Variants in TMSB15B observed in about 807,000 individuals in gnomAD.
TMSB15B encodes the protein thymosin beta 15B.
At chrX:103,940,733 G>GCAACAA (rs1409049630) in intron 1 of TMSB15B, among the ~76,000 whole-genome samples, 1 of 110,257 alleles carries the variant, frequency 9.1e-6, no homozygotes, top group African/African-American at 3.3e-5. Context: ...AACAACAACA[G>GCAACAA]CAACAACAAC....
intron 1 of TMSB15B, among the ~76,000 whole-genome samples, chrX:103,927,520 T>A (rs1455924209): frequency 8.9e-6 from 1 of 111,752 alleles, no homozygotes; most frequent in East Asian, 2.8e-4. Flanking sequence ...GGCATAGCCA[T>A]GAAACAGCTA....
At chrX:103,953,221 C>T (rs1184977103) in intron 1 of TMSB15B, among the ~76,000 whole-genome samples, 2 of 111,342 alleles carry the variant, frequency 1.8e-5, no homozygotes, top group Non-Finnish European at 3.8e-5. Flanking sequence ...CAGGAGATCC[C>T]GTCATGAGCC....
intron 1 of TMSB15B, chrX:103,932,153 T>C (rs2074986436): frequency 8.9e-6 from 1 of 112,052 alleles, no homozygotes; most frequent in Non-Finnish European, 1.9e-5. Context: ...TTCTGACAAA[T>C]TAATCAAACC....
intron 1 of TMSB15B, among the ~76,000 whole-genome samples, chrX:103,944,840 C>G (rs1219014722): frequency 2.7e-5 from 3 of 112,124 alleles, no homozygotes; most frequent in Admixed American, 9.4e-5. Flanking sequence ...GTTACCCAGG[C>G]TGGAGCGCAG....
intron 1 of TMSB15B, among the ~76,000 whole-genome samples, chrX:103,936,330 G>A (rs1337723414): frequency 9.0e-6 from 1 of 111,488 alleles, no homozygotes; most frequent in Non-Finnish European, 1.9e-5. Context: ...ATTTCCTTGA[G>A]CAGTGGTTTG....
chrX:103,921,184 G>A (rs1355592502), intron 1 of TMSB15B, among the ~76,000 whole-genome samples: 1 of 112,006 alleles, frequency 8.9e-6, no homozygotes, highest in Admixed American at 9.4e-5. Flanking sequence ...TCTCAGGATT[G>A]TGGCCTGTGG....
chrX:103,928,463 T>C (rs2147817841), intron 1 of TMSB15B: 1 of 1,204,597 alleles, frequency 8.3e-7, no homozygotes, highest in East Asian at 3.0e-5. Context: ...GCAGGGATCA[T>C]GTCTGGCCTG....
Position 103,941,721 on chromosome X carries a change from G to A in TMSB15B, c.-720-20300G>A, listed in dbSNP as rs192148813. Among the ~76,000 whole-genome samples, 5 of 111,862 alleles carry A rather than the reference G, an allele frequency of 4.5e-5. No individual in the cohort carries two copies. The East Asian group carries it at 1.4e-3, about 31-fold the overall frequency. Reference sequence around the variant, plus strand: ...TGGATGATGCCTAACTTTTCCTAATGGCATGTACCAGTTCACACCCTTACT... The same window carrying A: ...TGGATGATGCCTAACTTTTCCTAATAGCATGTACCAGTTCACACCCTTACT... On this transcript the variant is annotated intron_variant, in intron 1 of 3. Coordinates refer to the TMSB15B transcript ENST00000419165.
intron 1 of TMSB15B, among the ~76,000 whole-genome samples, chrX:103,947,157 T>TGTA (rs2075027724): frequency 9.0e-6 from 1 of 111,077 alleles, no homozygotes; most frequent in South Asian, 3.8e-4. Flanking sequence ...ATAAATAAAT[T>TGTA]GTAGTATATT....
chrX:103,936,488 C>T (rs1361789507), intron 1 of TMSB15B, among the ~76,000 whole-genome samples: 1 of 112,071 alleles, frequency 8.9e-6, no homozygotes, highest in Non-Finnish European at 1.9e-5. Context: ...GATTTTTGCA[C>T]ATTGATTTTG....
chrX:103,951,614 G>T lies in TMSB15B; in HGVS notation c.-720-10407G>T, dbSNP rs190228591. 2.7e-3 allele frequency among the ~76,000 whole-genome samples: 303 copies of T among 111,612 alleles called. 1 individual carries two copies. The highest frequency in any genetic ancestry group is 9.0e-3 in the African/African-American group (277 of 30,745). On this transcript the variant is annotated intron_variant, in intron 1 of 3. Transcript: ENST00000419165. ...AATTTTCCCCTAGCCAGCTTTAGCT[G>T]TATGGGTGCAGGCTCATGGGGATGT...
chrX:103,935,132 A>G (rs2074994109), intron 1 of TMSB15B, among the ~76,000 whole-genome samples: 1 of 112,398 alleles, frequency 8.9e-6, no homozygotes, highest in Admixed American at 9.4e-5. Flanking sequence ...TTGGCCGCAT[A>G]AATGTCTTCT....
intron 1 of TMSB15B, among the ~76,000 whole-genome samples, chrX:103,950,448 G>A (rs2075036243): frequency 9.1e-6 from 1 of 110,158 alleles, no homozygotes; most frequent in Admixed American, 9.7e-5. Flanking sequence ...AACTAATGTA[G>A]GTAGAAGGCC....
At chrX:103,936,379 T>C (rs1447965398) in intron 1 of TMSB15B, among the ~76,000 whole-genome samples, 3 of 111,793 alleles carry the variant, frequency 2.7e-5, no homozygotes, top group East Asian at 5.6e-4. Context: ...CCCTTGTAAG[T>C]TGTATTCCTA....
rs782435525 is a variant in TMSB15B, at chrX:103,936,921, TTGGTTCTGTTTATGTGA to T, written c.-721+17659_-721+17675del. Among the ~76,000 whole-genome samples, 588 of 112,166 alleles carry T rather than the reference TTGGTTCTGTTTATGTGA, an allele frequency of 5.2e-3. 3 individuals are homozygous for T. The highest frequency in any genetic ancestry group is 5.9e-3 in the Non-Finnish European group (316 of 53,156). ...TGACATAATCATATGGTTTTTGTCA[TTGGTTCTGTTTATGTGA>T]TGGTTCTGTTTATGTGATGGTTCTG... On this transcript the variant is annotated intron_variant, in intron 1 of 3. Coordinates refer to the TMSB15B transcript ENST00000419165.
intron 1 of TMSB15B, among the ~76,000 whole-genome samples, chrX:103,919,975 G>T (rs782279446): frequency 1.8e-5 from 2 of 111,763 alleles, no homozygotes; most frequent in African/African-American, 3.3e-5. Context: ...GGGGTGAGGA[G>T]GTAGTAGGGA....
intron 1 of TMSB15B, among the ~76,000 whole-genome samples, chrX:103,935,713 C>T (rs1242888842): frequency 9.0e-6 from 1 of 111,016 alleles, no homozygotes; most frequent in Non-Finnish European, 1.9e-5. Flanking sequence ...GTTTTGGTAC[C>T]AGTACCATGC....
chrX:103,936,211 A>C (rs1400943228), intron 1 of TMSB15B, among the ~76,000 whole-genome samples: 1 of 111,547 alleles, frequency 9.0e-6, no homozygotes, highest in Non-Finnish European at 1.9e-5. Flanking sequence ...GCTTGAAGGG[A>C]ATAGCATTGA....
chrX:103,952,875 C>T (rs781963928), intron 1 of TMSB15B, among the ~76,000 whole-genome samples: 5 of 111,381 alleles, frequency 4.5e-5, no homozygotes, highest in Non-Finnish European at 5.6e-5. Flanking sequence ...TTTGCTCCTT[C>T]GCTGTGCTCA....
Sources: gnomAD v4.1 joint callset for allele counts (sites outside exome capture counted in the v4.1 genomes callset) on GRCh38, gnomAD v4.1.1 for gene constraint, MANE v1.5 for transcripts, NCBI Gene and HGNC (gene_info 2026-07-23, HGNC 2026-07-21) for gene names.